GPBP1: variants seen among roughly 807,000 people sequenced by gnomAD.
The protein encoded by GPBP1 is GC-rich promoter binding protein 1.
A neutral mutation model predicts 56.5 loss-of-function variants in GPBP1; 13 were observed. The observed-to-expected ratio is 0.23, with a 90% CI of 0.15 to 0.37. The LOEUF is 0.37. Ranked by LOEUF, GPBP1 falls within the 10% of genes least tolerant of loss-of-function variation. GPBP1 has a pLI of 1.00. For missense variants in GPBP1, 477 were observed against 572.3 expected, an observed-to-expected ratio of 0.83 and a Z score of 1.70; for synonymous variants, 204 against 188.9, an observed-to-expected ratio of 1.08 and a Z score of -0.66.
intron 3 of GPBP1, among the ~76,000 whole-genome samples, chr5:57,220,159 AT>A (rs1431619581): frequency 6.6e-6 from 1 of 152,086 alleles, no homozygotes; most frequent in Non-Finnish European, 1.5e-5. Context: ...AATTTAAAAA[AT>A]TAAAAAAAAA....
chr5:57,228,851 G>A (rs1756313526), intron 3 of GPBP1, among the ~76,000 whole-genome samples: 1 of 151,268 alleles, frequency 6.6e-6, no homozygotes, highest in East Asian at 1.9e-4. Context: ...ACAAATATAA[G>A]TATAGATATA....
intron 2 of GPBP1, among the ~76,000 whole-genome samples, chr5:57,184,944 T>C (rs1409449182): frequency 6.6e-6 from 1 of 152,252 alleles, no homozygotes; most frequent in Admixed American, 6.5e-5. Flanking sequence ...ATTAACTCCC[T>C]GTGGGGACAT....
In GPBP1 at chr5:57,230,842, T is replaced by G. The variant is rs576745828; in HGVS notation, c.64-4T>G. 1 of 1,600,808 alleles carries G rather than the reference T, an allele frequency of 6.2e-7. No individual in the cohort carries two copies. The highest frequency in any genetic ancestry group is 1.7e-5 in the Admixed American group (1 of 57,466). ...AATACCTGTATTTTTATAATTTGTT[T>G]CAGTCGTCATTGAATTTTGAGAAGC... On this transcript the variant is annotated splice_region_variant and splice_polypyrimidine_tract_variant and intron_variant, in intron 3 of 11. Coordinates refer to ENST00000506184, the MANE Select transcript of GPBP1 (RefSeq NM_022913.4).
At chr5:57,226,888 C>T (rs986991429) in intron 3 of GPBP1, among the ~76,000 whole-genome samples, 4 of 151,472 alleles carry the variant, frequency 2.6e-5, no homozygotes, top group African/African-American at 7.3e-5. Flanking sequence ...TGCAGGTGCC[C>T]GCCACCGCGC....
chr5:57,239,293 C>T (rs1307092555), intron 6 of GPBP1, among the ~76,000 whole-genome samples: 4 of 152,098 alleles, frequency 2.6e-5, no homozygotes, highest in Admixed American at 6.6e-5. Context: ...TACTTGTTCA[C>T]CATGGAAATT....
At chr5:57,261,389 A>C in intron 11 of GPBP1, 107 bp downstream of exon 11, 1 of 664,644 alleles carries the variant, frequency 1.5e-6, no homozygotes, top group South Asian at 1.8e-5. Flanking sequence ...TTATCACGAT[A>C]GGTCAGAATT....
intron 3 of GPBP1, among the ~76,000 whole-genome samples, chr5:57,228,454 CAA>C (rs566335105): frequency 7.4e-6 from 1 of 134,872 alleles, no homozygotes; most frequent in Non-Finnish European, 1.6e-5. Flanking sequence ...GACTCTGTCT[CAA>C]AAAAAAAAAA....
intron 6 of GPBP1, among the ~76,000 whole-genome samples, chr5:57,243,147 A>T (rs1288177714): frequency 6.6e-6 from 1 of 151,456 alleles, no homozygotes; most frequent in Non-Finnish European, 1.5e-5. Context: ...GGCTCACTGC[A>T]ACCTCCACCT....
intron 2 of GPBP1, among the ~76,000 whole-genome samples, chr5:57,181,539 T>A (rs1378379506): frequency 6.7e-6 from 1 of 148,546 alleles, no homozygotes; most frequent in Admixed American, 6.8e-5. Flanking sequence ...TTTGGGAGCC[T>A]GAGGCACGAG....
At chr5:57,244,643 C>G (rs1740997428) in intron 6 of GPBP1, among the ~76,000 whole-genome samples, 1 of 151,560 alleles carries the variant, frequency 6.6e-6, no homozygotes, top group South Asian at 2.1e-4. Flanking sequence ...TCATCCATGC[C>G]ATTATCATCT....
chr5:57,216,617 T>C (rs1363093775), intron 3 of GPBP1, among the ~76,000 whole-genome samples: 1 of 151,478 alleles, frequency 6.6e-6, no homozygotes, highest in Non-Finnish European at 1.5e-5. Flanking sequence ...ACCCGGGAGG[T>C]AGAGGTTGCA....
intron 10 of GPBP1, among the ~76,000 whole-genome samples, chr5:57,259,437 A>G (rs1047651642): frequency 9.9e-5 from 15 of 152,222 alleles, no homozygotes; most frequent in East Asian, 3.8e-4. Flanking sequence ...TTGTGGAACA[A>G]TGTAATTAAA....
intron 3 of GPBP1, chr5:57,221,428 A>G (rs1755954763): frequency 7.1e-7 from 1 of 1,411,418 alleles, no homozygotes; most frequent in African/African-American, 1.4e-5. Flanking sequence ...TTGAACAGAT[A>G]TTGAAAAATT....
chr5:57,186,184 G>C (rs908763212), intron 2 of GPBP1, among the ~76,000 whole-genome samples: 1 of 150,498 alleles, frequency 6.6e-6, no homozygotes, highest in Non-Finnish European at 1.5e-5. Context: ...ATCCTTTTAC[G>C]CTGGAAGTTC....
chr5:57,258,572 T>C (rs1030154263), intron 10 of GPBP1, among the ~76,000 whole-genome samples: 8 of 152,248 alleles, frequency 5.3e-5, no homozygotes, highest in Admixed American at 5.2e-4. Context: ...TGCGGTTGTC[T>C]GACCAAAATA....
chr5:57,213,437 C>T (rs1401704205), intron 2 of GPBP1, among the ~76,000 whole-genome samples: 5 of 151,672 alleles, frequency 3.3e-5, no homozygotes, highest in Non-Finnish European at 5.9e-5. Flanking sequence ...TAATATCCAG[C>T]TTATGTTCAA....
intron 2 of GPBP1, among the ~76,000 whole-genome samples, chr5:57,190,427 G>C (rs1754469756): frequency 6.6e-6 from 1 of 151,696 alleles, no homozygotes; most frequent in African/African-American, 2.4e-5. Context: ...TCTACTAAAA[G>C]TATAAAAATT....
At chr5:57,245,809 C>T (rs1294413556) in intron 6 of GPBP1, 1 of 152,178 alleles carries the variant, frequency 6.6e-6, no homozygotes, top group Non-Finnish European at 1.5e-5. Context: ...AATTCTCAGT[C>T]ATAACTGAAG....
chr5:57,245,362 C>T (rs374677100), intron 6 of GPBP1: 29 of 152,252 alleles, frequency 1.9e-4, no homozygotes, highest in African/African-American at 6.7e-4. Flanking sequence ...AGAGTCCCTC[C>T]GGGTTTCCCT....
Sources: allele counts gnomAD v4.1 joint callset (sites outside exome capture counted in the v4.1 genomes callset), GRCh38; gene constraint gnomAD v4.1.1; transcripts MANE v1.5; gene names NCBI Gene and HGNC (gene_info 2026-07-23, HGNC 2026-07-21).